NEXMIF: variants seen among roughly 807,000 people sequenced by gnomAD.
The protein encoded by NEXMIF is XLMR protein related to neurite extension.
NEXMIF carries 8 observed loss-of-function variants against 62.1 expected under a neutral mutation model. The ratio of observed to expected loss-of-function variants is 0.13; its 90% CI spans 0.08 to 0.23. The LOEUF is 0.23. Ranked by LOEUF, NEXMIF falls within the 10% of genes least tolerant of loss-of-function variation. The pLI is 1.00. For missense variants in NEXMIF, 976 were observed against 1,113.3 expected, an observed-to-expected ratio of 0.88 and a Z score of 1.75; for synonymous variants, 404 against 416.6, an observed-to-expected ratio of 0.97 and a Z score of 0.37.
chrX:74,853,609 C>G (rs1038140421), intron 1 of NEXMIF, among the ~76,000 whole-genome samples: 3 of 110,589 alleles, frequency 2.7e-5, no homozygotes, highest in African/African-American at 9.8e-5. Flanking sequence ...TTGGGGACTG[C>G]TTTTTATTAA....
At chrX:74,799,749 G>A (rs1456196579) in intron 1 of NEXMIF, among the ~76,000 whole-genome samples, 1 of 111,871 alleles carries the variant, frequency 8.9e-6, no homozygotes, top group Admixed American at 9.4e-5. Flanking sequence ...TCCTGCCTCA[G>A]CCTCCCAAAG....
chrX:74,794,165 CCTTT>C (rs2080296874), intron 1 of NEXMIF, among the ~76,000 whole-genome samples: 1 of 110,452 alleles, frequency 9.1e-6, no homozygotes, highest in South Asian at 3.9e-4. Flanking sequence ...GTTTGGATGT[CCTTT>C]CTGTTTATTA....
At chrX:74,786,816 TACAC>T (rs761602482) in intron 1 of NEXMIF, among the ~76,000 whole-genome samples, 118 of 107,319 alleles carry the variant, frequency 1.1e-3, no homozygotes, top group African/African-American at 1.4e-3. Flanking sequence ...AACAAGGTTG[TACAC>T]ACACACACAC....
At chrX:74,862,643 G>A (rs1055813115) in intron 1 of NEXMIF, among the ~76,000 whole-genome samples, 4 of 111,637 alleles carry the variant, frequency 3.6e-5, no homozygotes, top group African/African-American at 6.5e-5. Context: ...CAGTCGCTCA[G>A]ACCACAGCAC....
intron 1 of NEXMIF, among the ~76,000 whole-genome samples, chrX:74,786,517 G>A (rs1472544869): frequency 1.8e-5 from 2 of 111,406 alleles, no homozygotes; most frequent in South Asian, 3.8e-4. Flanking sequence ...CTAGCACACA[G>A]CATATCACAT....
chrX:74,813,661 C>A (rs976383331), intron 1 of NEXMIF, among the ~76,000 whole-genome samples: 1 of 112,121 alleles, frequency 8.9e-6, no homozygotes, highest in African/African-American at 3.2e-5. Context: ...CAGGTTTCTT[C>A]ACTCAGATTT....
At chrX:74,778,388 T>A (rs2080234995) in intron 1 of NEXMIF, among the ~76,000 whole-genome samples, 1 of 111,453 alleles carries the variant, frequency 9.0e-6, no homozygotes, top group Non-Finnish European at 1.9e-5. Context: ...CTCCTTTCCT[T>A]CCTCCATGGA....
chrX:74,886,142 C>T lies in NEXMIF; in HGVS notation c.-48+38741G>A, dbSNP rs372992371. 4.7e-4 allele frequency among the ~76,000 whole-genome samples: 52 copies of T among 111,592 alleles called. 2 individuals are homozygous for T. The South Asian group carries it at 0.018, about 38-fold the overall frequency. ...CTCAATAAATTAGGTATTGATGGGA[C>T]GTATCTCAAGATAATAAGAGCTATC... is the stretch of plus-strand genomic sequence containing the variant. On this transcript the variant is annotated intron_variant, in intron 1 of 3. Transcript: ENST00000055682.
chrX:74,785,710 T>C lies in NEXMIF; in HGVS notation c.-47-40013A>G, dbSNP rs1034815969. 3.6e-5 allele frequency among the ~76,000 whole-genome samples: 4 copies of C among 112,226 alleles called. No homozygotes were observed. In the Admixed American group the frequency reaches 3.8e-4, roughly 11 times the overall value. On this transcript the variant is annotated intron_variant, in intron 1 of 3. Transcript: ENST00000055682. ...CACATGGATTTGAGAAAGATCCTGG[T>C]TGGGTTTGTTCAGTGGCATTATTAG...
chrX:74,882,952 C>T (rs1451303338), intron 1 of NEXMIF, among the ~76,000 whole-genome samples: 1 of 111,213 alleles, frequency 9.0e-6, no homozygotes, highest in African/African-American at 3.3e-5. Context: ...ACAAAACTTC[C>T]AGAGGAATGA....
intron 1 of NEXMIF, among the ~76,000 whole-genome samples, chrX:74,918,834 C>T (rs1009719030): frequency 8.9e-6 from 1 of 112,189 alleles, no homozygotes; most frequent in African/African-American, 3.2e-5. Context: ...GGCCTGTGGG[C>T]CATAGTTTCT....
intron 1 of NEXMIF, among the ~76,000 whole-genome samples, chrX:74,872,596 T>A (rs1158506943): frequency 9.1e-6 from 1 of 109,681 alleles, no homozygotes; most frequent in Admixed American, 9.8e-5. Context: ...GTGACTGTAG[T>A]AAATTATGTT....
At chrX:74,893,226 T>C (rs758320985) in intron 1 of NEXMIF, among the ~76,000 whole-genome samples, 1 of 112,365 alleles carries the variant, frequency 8.9e-6, no homozygotes, top group African/African-American at 3.2e-5. Flanking sequence ...AGCAGACTAC[T>C]TCAGATAACA....
intron 1 of NEXMIF, among the ~76,000 whole-genome samples, chrX:74,848,580 C>T (rs1447538945): frequency 8.9e-6 from 1 of 112,051 alleles, no homozygotes; most frequent in African/African-American, 3.2e-5. Context: ...TTTAGAGGGC[C>T]ACTATTCAGC....
intron 1 of NEXMIF, among the ~76,000 whole-genome samples, chrX:74,885,358 G>A (rs1356598160): frequency 9.0e-6 from 1 of 111,534 alleles, no homozygotes; most frequent in Non-Finnish European, 1.9e-5. Flanking sequence ...GAACCCTGGA[G>A]CTGGTTTTTT....
chrX:74,835,650 G>A (rs921144787), intron 1 of NEXMIF, among the ~76,000 whole-genome samples: 1 of 111,286 alleles, frequency 9.0e-6, no homozygotes, highest in East Asian at 2.8e-4. Flanking sequence ...CTGTCTGGAG[G>A]TGGGGGTATG....
At chrX:74,809,562 CCCAA>C (rs2080354670) in intron 1 of NEXMIF, among the ~76,000 whole-genome samples, 1 of 111,892 alleles carries the variant, frequency 8.9e-6, no homozygotes. Context: ...TTTTGATGCA[CCCAA>C]CCAAGAATTT....
intron 1 of NEXMIF, among the ~76,000 whole-genome samples, chrX:74,892,299 G>C (rs972184652): frequency 8.9e-6 from 1 of 112,331 alleles, no homozygotes; most frequent in African/African-American, 3.2e-5. Context: ...CAAGGGAAAA[G>C]AGAAATTTGT....
intron 1 of NEXMIF, among the ~76,000 whole-genome samples, chrX:74,786,592 T>C (rs2080260740): frequency 9.0e-6 from 1 of 111,261 alleles, no homozygotes; most frequent in South Asian, 3.8e-4. Context: ...GTTCCAGTTT[T>C]AAGCAACTAT....
Sources: allele counts gnomAD v4.1 joint callset (sites outside exome capture counted in the v4.1 genomes callset), GRCh38; gene constraint gnomAD v4.1.1; transcripts MANE v1.5; gene names NCBI Gene and HGNC (gene_info 2026-07-23, HGNC 2026-07-21).